SAMD8: variants seen among roughly 807,000 people sequenced by gnomAD.
The protein encoded by SAMD8 is sterile alpha motif domain containing 8, also known as sphingomyelin synthase-related protein 1.
SAMD8 carries 20 observed loss-of-function variants against 42.0 expected under a neutral mutation model. The observed-to-expected ratio is 0.48, with a 90% confidence interval of 0.34 to 0.69. SAMD8 has a LOEUF of 0.69. SAMD8 is among the 30% of genes least tolerant of loss of function. The pLI is 0.01. For missense variants in SAMD8, 328 were observed against 511.6 expected (o/e 0.64, Z 3.46); for synonymous variants, 162 against 173.0 (o/e 0.94, Z 0.50).
At chr10:75,159,063 C>CTTTTTTTTTTTTTTTTT (rs530043259) in intron 2 of SAMD8, among the ~76,000 whole-genome samples, 1 of 133,466 alleles carries the variant, frequency 7.5e-6, no homozygotes. Flanking sequence ...TTTTCTTTTT[C>CTTTTTTTTTTTTTTTTT]TTTTTTTTTT....
intron 2 of SAMD8, among the ~76,000 whole-genome samples, chr10:75,158,590 A>T (rs1300283853): frequency 6.7e-6 from 1 of 150,166 alleles, no homozygotes; most frequent in Non-Finnish European, 1.5e-5. Context: ...AGACTCTCTC[A>T]AAAAAAAAAT....
upstream of SAMD8, chr10:75,111,404 C>T: frequency 1.3e-6 from 1 of 798,826 alleles, no homozygotes; most frequent in East Asian, 3.5e-5. Flanking sequence ...CTCTCGGGCC[C>T]ATCTGGAGCC....
intron 1 of SAMD8, among the ~76,000 whole-genome samples, chr10:75,129,328 A>G (rs1240494913): frequency 6.6e-6 from 1 of 151,506 alleles, no homozygotes; most frequent in African/African-American, 2.4e-5. Flanking sequence ...GCAACCTCCA[A>G]CTCCCTGGTT....
chr10:75,101,868 T>C (rs748946061), intron 1 of SAMD8: 18 of 1,364,950 alleles, frequency 1.3e-5, no homozygotes, highest in Non-Finnish European at 1.8e-5. Flanking sequence ...CTCACCCACC[T>C]GTGGGAGTAT....
chr10:75,111,550 T>C, upstream of SAMD8: 4 of 1,244,254 alleles, frequency 3.2e-6, no homozygotes, highest in Non-Finnish European at 4.0e-6. Context: ...GCCGGGACGA[T>C]GCCTGCGCGC....
intron 1 of SAMD8, among the ~76,000 whole-genome samples, chr10:75,113,386 C>G (rs1199153176): frequency 6.7e-6 from 1 of 149,886 alleles, no homozygotes; most frequent in African/African-American, 2.5e-5. Flanking sequence ...CTTTTCTTTC[C>G]TTTCTTTTTT....
At chr10:75,122,487 C>G (rs1298627898) in intron 1 of SAMD8, among the ~76,000 whole-genome samples, 1 of 151,888 alleles carries the variant, frequency 6.6e-6, no homozygotes, top group African/African-American at 2.4e-5. Flanking sequence ...GGTGGGGGCA[C>G]CAGTAATCCC....
At chr10:75,111,348 T>A (rs1848762642), upstream of SAMD8, 1 of 447,268 alleles carries the variant, frequency 2.2e-6, no homozygotes, top group South Asian at 1.2e-4. Context: ...GCCTCCGGCA[T>A]GACGCATGCG....
intron 4 of SAMD8, among the ~76,000 whole-genome samples, chr10:75,171,358 G>A (rs192998268): frequency 4.9e-4 from 74 of 150,438 alleles, no homozygotes; most frequent in Middle Eastern, 6.9e-3. Context: ...TAGTAGAGAC[G>A]GGGTTTCACT....
intron 1 of SAMD8, among the ~76,000 whole-genome samples, chr10:75,139,080 C>G (rs1185593865): frequency 6.6e-6 from 1 of 151,808 alleles, no homozygotes; most frequent in Non-Finnish European, 1.5e-5. Context: ...CCCGCCTCAG[C>G]CTCCTGAGTA....
At position 75,122,338 on chromosome 10, in the gene SAMD8, G is replaced by A. The variant is rs1180736943; in HGVS notation, c.-16+10616G>A. On this transcript the variant is annotated intron_variant, in intron 1 of 5. Transcript: ENST00000542569. ...ATTTTGAAATAATTATAGGCTGGGC[G>A]CAGTGGCTCACGCCTGTAATCTCAG... is the stretch of plus-strand genomic sequence containing the variant. Among the ~76,000 whole-genome samples the A allele has an allele frequency of 3.3e-5, 5 of 151,946 alleles. No individual in the cohort carries two copies. The South Asian group carries it at 6.2e-4, about 19-fold the overall frequency.
At chr10:75,104,973 C>G (rs1848405224) in intron 1 of SAMD8, among the ~76,000 whole-genome samples, 1 of 152,092 alleles carries the variant, frequency 6.6e-6, no homozygotes, top group South Asian at 2.1e-4. Context: ...CCCAAGCATG[C>G]CCAGGCCAGT....
At chr10:75,140,097 A>T (rs1265345143) in intron 1 of SAMD8, among the ~76,000 whole-genome samples, 1 of 152,210 alleles carries the variant, frequency 6.6e-6, no homozygotes, top group African/African-American at 2.4e-5. Context: ...TCAGATATCT[A>T]TATATGTATA....
chr10:75,118,502 G>C (rs1034322638), intron 1 of SAMD8, among the ~76,000 whole-genome samples: 1 of 152,164 alleles, frequency 6.6e-6, no homozygotes, highest in African/African-American at 2.4e-5. Flanking sequence ...AAATTAGCCA[G>C]GTGTGGTGGT....
chr10:75,165,252 C>G (rs891516217), intron 3 of SAMD8, among the ~76,000 whole-genome samples: 1 of 152,064 alleles, frequency 6.6e-6, no homozygotes, highest in African/African-American at 2.4e-5. Flanking sequence ...ATAAGAAAGC[C>G]TTTTCTTTCC....
chr10:75,115,284 G>A (rs1848851116), intron 1 of SAMD8, among the ~76,000 whole-genome samples: 1 of 152,128 alleles, frequency 6.6e-6, no homozygotes, highest in Admixed American at 6.6e-5. Context: ...TTAATAGTAG[G>A]GCAAGAACAG....
chr10:75,102,277 C>T (rs1221500072), intron 1 of SAMD8, among the ~76,000 whole-genome samples: 2 of 151,900 alleles, frequency 1.3e-5, no homozygotes, highest in East Asian at 3.9e-4. Context: ...GAGATCGAGA[C>T]CATCCTGGCT....
At chr10:75,160,750 C>A (rs1192908216) in intron 2 of SAMD8, among the ~76,000 whole-genome samples, 1 of 152,100 alleles carries the variant, frequency 6.6e-6, no homozygotes, top group African/African-American at 2.4e-5. Context: ...GAAGGTGGCC[C>A]TGCCCAAGAG....
At chr10:75,158,867 C>T (rs1049012706) in intron 2 of SAMD8, among the ~76,000 whole-genome samples, 7 of 152,078 alleles carry the variant, frequency 4.6e-5, no homozygotes, top group Non-Finnish European at 1.0e-4. Context: ...AAGATTCATC[C>T]GTACTGTAGC....
Sources: allele counts gnomAD v4.1 joint callset (sites outside exome capture counted in the v4.1 genomes callset), GRCh38; gene constraint gnomAD v4.1.1; transcripts MANE v1.5; gene names NCBI Gene and HGNC (gene_info 2026-07-23, HGNC 2026-07-21).